EBF1: variants seen among roughly 807,000 people sequenced by gnomAD.
The protein encoded by EBF1 is transcription factor COE1.
Under a neutral mutation model 68.4 loss-of-function variants are expected in EBF1, and 10 were observed. That is an observed-to-expected ratio of 0.15 (90% CI 0.09 to 0.25). The LOEUF is 0.25. EBF1 is among the 10% of genes least tolerant of loss of function. The probability of loss-of-function intolerance (pLI) is 1.00; values close to 1 mark genes in which losing one functional copy is unlikely to be tolerated. For synonymous variants in EBF1, 298 were observed against 299.8 expected (o/e 0.99, Z 0.06); for missense variants, 509 against 794.4 (o/e 0.64, Z 4.32).
At chr5:159,019,590 A>T (rs1766275935) in intron 6 of EBF1, among the ~76,000 whole-genome samples, 1 of 152,182 alleles carries the variant, frequency 6.6e-6, no homozygotes, top group Non-Finnish European at 1.5e-5. Context: ...CTGCCTCATT[A>T]ATGTTTGTTT....
At chr5:158,716,272 A>G (rs1180416231) in intron 11 of EBF1, among the ~76,000 whole-genome samples, 1 of 150,922 alleles carries the variant, frequency 6.6e-6, no homozygotes, top group Non-Finnish European at 1.5e-5. Context: ...TTTTCTCCTT[A>G]TGTCGATATC....
At chr5:159,014,468 G>A (rs1765284384) in intron 6 of EBF1, among the ~76,000 whole-genome samples, 1 of 152,202 alleles carries the variant, frequency 6.6e-6, no homozygotes. Context: ...CCTAACTAGA[G>A]TTATCCTAAC....
chr5:158,705,406 C>T (rs1357422741), intron 15 of EBF1, among the ~76,000 whole-genome samples: 7 of 152,220 alleles, frequency 4.6e-5, no homozygotes, highest in Admixed American at 4.6e-4. Flanking sequence ...AACAGTGAAT[C>T]CAGCACAAGG....
intron 6 of EBF1, among the ~76,000 whole-genome samples, chr5:158,966,875 G>C (rs1429471273): frequency 9.2e-5 from 14 of 152,220 alleles, no homozygotes; most frequent in Non-Finnish European, 1.9e-4. Flanking sequence ...CCAAGGGTTA[G>C]CTGCCAAGAA....
intron 6 of EBF1, among the ~76,000 whole-genome samples, chr5:159,005,340 G>A (rs147512134): frequency 1.6e-3 from 244 of 152,324 alleles, no homozygotes; most frequent in African/African-American, 5.2e-3. Flanking sequence ...GTAAGGGAGA[G>A]TGTATGCACT....
chr5:158,900,964 G>A (rs780772197), intron 6 of EBF1, among the ~76,000 whole-genome samples: 1 of 149,624 alleles, frequency 6.7e-6, no homozygotes, highest in African/African-American at 2.4e-5. Context: ...AAAAACCTTA[G>A]AGATTATCCA....
intron 6 of EBF1, among the ~76,000 whole-genome samples, chr5:159,033,915 T>C (rs902594850): frequency 2.6e-5 from 4 of 152,196 alleles, no homozygotes; most frequent in Non-Finnish European, 5.9e-5. Context: ...TTTATGGGTG[T>C]TTAATGTAAT....
intron 6 of EBF1, among the ~76,000 whole-genome samples, chr5:158,862,509 G>C (rs1795134177): frequency 6.6e-6 from 1 of 152,014 alleles, no homozygotes; most frequent in Non-Finnish European, 1.5e-5. Flanking sequence ...ACAAATGAAG[G>C]CTATCTCAGA....
At chr5:159,027,938 A>T (rs907057057) in intron 6 of EBF1, among the ~76,000 whole-genome samples, 1 of 152,228 alleles carries the variant, frequency 6.6e-6, no homozygotes, top group Non-Finnish European at 1.5e-5. Flanking sequence ...CTCTTCTGGA[A>T]AAATGAACTT....
chr5:158,876,674 G>A (rs1288537030), intron 6 of EBF1, among the ~76,000 whole-genome samples: 1 of 152,206 alleles, frequency 6.6e-6, no homozygotes, highest in East Asian at 1.9e-4. Flanking sequence ...CCTGCCTTTT[G>A]TGTTCAATTT....
At chr5:158,833,642 T>C (rs865822315) in intron 7 of EBF1, among the ~76,000 whole-genome samples, 3 of 152,278 alleles carry the variant, frequency 2.0e-5, no homozygotes, top group Admixed American at 6.5e-5. Flanking sequence ...GAGGACTGGA[T>C]AAAGACAGCA....
At chr5:158,793,117 C>G (rs1287293546) in intron 9 of EBF1, among the ~76,000 whole-genome samples, 5 of 152,164 alleles carry the variant, frequency 3.3e-5, no homozygotes, top group Non-Finnish European at 7.3e-5. Flanking sequence ...ATTTAACTTC[C>G]CCAAGCTTCA....
intron 11 of EBF1, among the ~76,000 whole-genome samples, chr5:158,718,407 T>G (rs1761210292): frequency 6.6e-6 from 1 of 152,172 alleles, no homozygotes; most frequent in Non-Finnish European, 1.5e-5. Flanking sequence ...TCCTTTTGCC[T>G]TCCCCTTTTT....
chr5:158,869,529 A>G lies in EBF1; in HGVS notation c.555-29419T>C, dbSNP rs374666681. 2.0e-3 allele frequency among the ~76,000 whole-genome samples: 308 copies of G among 151,330 alleles called. 3 individuals are homozygous for G. The highest frequency in any genetic ancestry group is 7.3e-3 in the African/African-American group (301 of 41,152). On this transcript the variant is annotated intron_variant, in intron 6 of 15. Transcript: ENST00000313708. ...TCTTCTCCAAACATTCTGTTTTCCTATATTAGTAGTGTTCTCTTTTTTTTC... is the reference window on the plus strand; with the variant it reads ...TCTTCTCCAAACATTCTGTTTTCCTGTATTAGTAGTGTTCTCTTTTTTTTC...
intron 6 of EBF1, among the ~76,000 whole-genome samples, chr5:158,931,504 TAGTC>T (rs1810889721): frequency 6.6e-6 from 1 of 152,214 alleles, no homozygotes; most frequent in South Asian, 2.1e-4. Flanking sequence ...TCAAAATTTT[TAGTC>T]AGTTCCCTGA....
chr5:158,724,767 C>T (rs1422576922), intron 11 of EBF1, among the ~76,000 whole-genome samples: 1 of 152,174 alleles, frequency 6.6e-6, no homozygotes, highest in East Asian at 1.9e-4. Flanking sequence ...AACTGAGCCA[C>T]TAAATGGCTG....
chr5:158,782,657 T>A (rs1776661084), intron 9 of EBF1, among the ~76,000 whole-genome samples: 1 of 151,992 alleles, frequency 6.6e-6, no homozygotes, highest in African/African-American at 2.4e-5. Context: ...CAAGACTGTC[T>A]CAGAAAAAAT....
chr5:158,897,996 T>C (rs564767085), intron 6 of EBF1, among the ~76,000 whole-genome samples: 1 of 152,296 alleles, frequency 6.6e-6, no homozygotes, highest in African/African-American at 2.4e-5. Context: ...GCCATCACTA[T>C]TTGCCATTGA....
intron 11 of EBF1, among the ~76,000 whole-genome samples, chr5:158,726,633 G>A (rs1429273604): frequency 1.3e-5 from 2 of 152,196 alleles, no homozygotes; most frequent in Non-Finnish European, 2.9e-5. Context: ...GGCTCTTGGA[G>A]AAAAGACATT....
Sources: gnomAD v4.1 joint callset for allele counts (sites outside exome capture counted in the v4.1 genomes callset) on GRCh38, gnomAD v4.1.1 for gene constraint, MANE v1.5 for transcripts, NCBI Gene and HGNC (gene_info 2026-07-23, HGNC 2026-07-21) for gene names.